MED12L: variants seen among roughly 807,000 people sequenced by gnomAD.
The protein encoded by MED12L is mediator of RNA polymerase II transcription subunit 12-like protein.
MED12L carries 60 observed loss-of-function variants against 281.3 expected under a neutral mutation model. The observed-to-expected ratio is 0.21, with a 90% CI of 0.17 to 0.26. The LOEUF (loss-of-function observed/expected upper bound fraction) is 0.26. Among genes scored for constraint, MED12L ranks in the 10% least tolerant of loss-of-function variants. The probability of loss-of-function intolerance (pLI) is 1.00; values close to 1 mark genes in which losing one functional copy is unlikely to be tolerated. For synonymous variants in MED12L, 974 were observed against 987.2 expected (o/e 0.99, Z 0.25); for missense variants, 2,146 against 2,680.9 (o/e 0.80, Z 4.41).
intron 16 of MED12L, among the ~76,000 whole-genome samples, chr3:151,305,685 C>T (rs2149747585): frequency 6.6e-6 from 1 of 151,590 alleles, no homozygotes; most frequent in East Asian, 1.9e-4. Context: ...TTCTATTATA[C>T]TGTTGTGGAG....
chr3:151,267,145 C>T (rs781375970), intron 16 of MED12L, among the ~76,000 whole-genome samples: 9 of 152,186 alleles, frequency 5.9e-5, no homozygotes, highest in Non-Finnish European at 1.3e-4. Context: ...TGACTGTTTA[C>T]AGGAACTATC....
At chr3:151,121,059 A>C (rs1423996851) in intron 3 of MED12L, among the ~76,000 whole-genome samples, 2 of 152,234 alleles carry the variant, frequency 1.3e-5, no homozygotes, top group Non-Finnish European at 2.9e-5. Context: ...ATTATTAAAT[A>C]CTTAAAGATA....
chr3:151,220,443 A>G (rs1019663578), intron 16 of MED12L, among the ~76,000 whole-genome samples: 1 of 152,110 alleles, frequency 6.6e-6, no homozygotes, highest in Non-Finnish European at 1.5e-5. Context: ...CTGAGATTCC[A>G]TTATGTCTGG....
chr3:151,347,679 G>C (rs547230947), intron 16 of MED12L, among the ~76,000 whole-genome samples: 2 of 152,228 alleles, frequency 1.3e-5, no homozygotes, highest in South Asian at 4.1e-4. Flanking sequence ...AGTTCGGTGT[G>C]GGTGTGGGGG....
chr3:151,124,094 G>T (rs1714151368), intron 4 of MED12L, among the ~76,000 whole-genome samples: 1 of 152,128 alleles, frequency 6.6e-6, no homozygotes, highest in African/African-American at 2.4e-5. Context: ...TAAGTCATAG[G>T]GCATCCTTCA....
intron 39 of MED12L, among the ~76,000 whole-genome samples, chr3:151,402,844 A>G (rs1715852624): frequency 6.6e-6 from 1 of 152,122 alleles, no homozygotes; most frequent in African/African-American, 2.4e-5. Flanking sequence ...GAAATAGTTC[A>G]TATGTATTTT....
chr3:151,093,362 G>A (rs1423611728), intron 2 of MED12L, among the ~76,000 whole-genome samples: 1 of 152,192 alleles, frequency 6.6e-6, no homozygotes, highest in East Asian at 1.9e-4. Context: ...TCAGAATTCT[G>A]GGAAGGAAGC....
chr3:151,351,743 G>A (rs1030492447), intron 17 of MED12L, among the ~76,000 whole-genome samples: 5 of 152,144 alleles, frequency 3.3e-5, no homozygotes, highest in Non-Finnish European at 7.4e-5. Context: ...ATTATTTTTA[G>A]AGGGTCTTTC....
At chr3:151,305,072 C>A (rs1274368660) in intron 16 of MED12L, among the ~76,000 whole-genome samples, 1 of 152,164 alleles carries the variant, frequency 6.6e-6, no homozygotes, top group Non-Finnish European at 1.5e-5. Flanking sequence ...TGCCTGCTGT[C>A]TTTCTGAATG....
intron 16 of MED12L, among the ~76,000 whole-genome samples, chr3:151,291,651 A>G (rs887033286): frequency 5.9e-5 from 9 of 152,318 alleles, no homozygotes; most frequent in African/African-American, 2.2e-4. Flanking sequence ...GCCAGTTTTG[A>G]AAAAGCAATC....
At chr3:151,365,594 C>T (rs62285877) in intron 22 of MED12L, among the ~76,000 whole-genome samples, 13,676 of 152,134 alleles carry the variant, frequency 0.09, 943 homozygotes, top group East Asian at 0.33. Context: ...GATTTATTCA[C>T]GAAACTAAAA....
At chr3:151,247,714 A>T (rs1437480972) in intron 16 of MED12L, among the ~76,000 whole-genome samples, 1 of 149,970 alleles carries the variant, frequency 6.7e-6, no homozygotes, top group Non-Finnish European at 1.5e-5. Flanking sequence ...ATACATATGT[A>T]ACTAACCTGC....
intron 16 of MED12L, among the ~76,000 whole-genome samples, chr3:151,279,597 C>T (rs896754743): frequency 2.0e-5 from 3 of 152,294 alleles, no homozygotes; most frequent in South Asian, 2.1e-4. Flanking sequence ...CCCCAATAGT[C>T]CTCACTGATG....
At chr3:151,226,424 G>T (rs571603074) in intron 16 of MED12L, among the ~76,000 whole-genome samples, 3 of 152,270 alleles carry the variant, frequency 2.0e-5, no homozygotes, top group Admixed American at 2.0e-4. Flanking sequence ...GCTTAAAATG[G>T]TTAAGTGATT....
chr3:151,116,553 A>G, intron 3 of MED12L, 111 bp downstream of exon 3: 1 of 686,794 alleles, frequency 1.5e-6, no homozygotes, highest in Non-Finnish European at 2.5e-6. Context: ...CCATATTCAG[A>G]TTTCCCCCAA....
At chr3:151,237,353 T>TTC (rs1302598489) in intron 16 of MED12L, among the ~76,000 whole-genome samples, 43 of 127,098 alleles carry the variant, frequency 3.4e-4, no homozygotes, top group Admixed American at 7.7e-5. Context: ...TTTTTTTCTT[T>TTC]TTTTTTTTTT....
At chr3:151,224,524 TATTAC>T (rs1451650167) in intron 16 of MED12L, among the ~76,000 whole-genome samples, 3 of 152,246 alleles carry the variant, frequency 2.0e-5, no homozygotes, top group Non-Finnish European at 4.4e-5. Flanking sequence ...ATAGTTGTGT[TATTAC>T]ATTTTATGTT....
chr3:151,234,151 T>C (rs1732267400), intron 16 of MED12L, among the ~76,000 whole-genome samples: 1 of 152,148 alleles, frequency 6.6e-6, no homozygotes, highest in African/African-American at 2.4e-5. Context: ...GAAGCACTGT[T>C]TGTAATAGCA....
rs749502287 is a variant in MED12L at position 151,355,905 on chromosome 3, A to T, written c.2527A>T (p.Asn843Tyr). 6.2e-7 allele frequency: 1 copy of T among 1,609,672 alleles called. No homozygotes were observed. Among genetic ancestry groups the T allele is most frequent in the Non-Finnish European group, 8.5e-7 (1 of 1,178,788 alleles). The change falls in exon 19 of 45, where the codon AAT (asparagine) becomes TAT (tyrosine). Residue 843 changes from asparagine to tyrosine, a missense_variant. By Grantham distance (143) the Asn-to-Tyr change is moderately radical. Coordinates refer to ENST00000687756, the MANE Select transcript of MED12L (RefSeq NM_001393769.1). ...GTTTTTATTTGCACAGATTTCTAAC[A>T]ATGTGCTAGAACAAATCACAAGCTT... is the stretch of plus-strand genomic sequence containing the variant. ...QHQVTSQISNNVLEQITSFAS... is the reference protein window; with the variant it reads ...QHQVTSQISNYVLEQITSFAS...
Sources: allele counts gnomAD v4.1 joint callset (sites outside exome capture counted in the v4.1 genomes callset), GRCh38; gene constraint gnomAD v4.1.1; transcripts MANE v1.5; gene names NCBI Gene and HGNC (gene_info 2026-07-23, HGNC 2026-07-21).